Variants in ZDHHC2 observed in about 807,000 individuals in gnomAD.
ZDHHC2 encodes the protein palmitoyltransferase ZDHHC2.
A neutral mutation model predicts 55.6 loss-of-function variants in ZDHHC2; 51 were observed. The observed-to-expected ratio is 0.92, with a 90% CI of 0.73 to 1.16. The LOEUF (loss-of-function observed/expected upper bound fraction) is 1.16. Among genes scored for constraint, ZDHHC2 ranks in the 50% most tolerant of loss-of-function variants. The pLI is 0.00. For synonymous variants in ZDHHC2, 199 were observed against 152.9 expected (o/e 1.30, Z -2.22); for missense variants, 491 against 442.4 (o/e 1.11, Z -0.99).
At chr8:17,176,707 G>C (rs1180034005) in intron 1 of ZDHHC2, among the ~76,000 whole-genome samples, 1 of 152,058 alleles carries the variant, frequency 6.6e-6, no homozygotes, top group East Asian at 1.9e-4. Context: ...AGAAAGCCCA[G>C]AGTGACAGAA....
At chr8:17,203,208 C>T (rs867118413) in intron 6 of ZDHHC2, among the ~76,000 whole-genome samples, 4 of 151,508 alleles carry the variant, frequency 2.6e-5, no homozygotes, top group Middle Eastern at 3.4e-3. Context: ...TACAGACGTG[C>T]ACCACCATGC....
chr8:17,169,862 T>C (rs1490739128), intron 1 of ZDHHC2, among the ~76,000 whole-genome samples: 1 of 152,190 alleles, frequency 6.6e-6, no homozygotes, highest in African/African-American at 2.4e-5. Context: ...GCATAATTTT[T>C]TTTTAGAACT....
In ZDHHC2 at chr8:17,165,241, A is replaced by G. The variant is rs74491380; in HGVS notation, c.130+8388A>G. 6.3e-3 allele frequency among the ~76,000 whole-genome samples: 966 copies of G among 152,340 alleles called. 7 individuals carry two copies. Among genetic ancestry groups the G allele is most frequent in the African/African-American group, 0.022 (920 of 41,574 alleles). On this transcript the variant is annotated intron_variant, in intron 1 of 12. Coordinates refer to ENST00000262096, the MANE Select transcript of ZDHHC2 (RefSeq NM_016353.5). ...CAGGGGCTAACTTGTGATCAAGTTT[A>G]CTACTAAGTGGGCAACTCCATGTGA...
rs1280025562 is a variant in ZDHHC2, at chr8:17,224,699, G to A, written c.*4478G>A. On this transcript the variant is annotated 3_prime_UTR_variant, in exon 13 of 13. Transcript: ENST00000262096. ...CTCCTGTTGTATTTTTCTCAGTTAT[G>A]AGAGCAAGGCTATTTTGTCAGTTTA... 1 of 151,690 alleles carries A rather than the reference G, an allele frequency of 6.6e-6. No individual in the cohort carries two copies. Among genetic ancestry groups the A allele is most frequent in the Non-Finnish European group, 1.5e-5 (1 of 67,706 alleles). The allele number at this position is 151,690 out of a possible 1,614,324, so 9.4% of individuals were successfully genotyped here. A position where few individuals can be genotyped will look rare whatever the true frequency, so the allele number is the denominator to read the frequency against.
chr8:17,207,876 A>T, intron 7 of ZDHHC2, 84 bp from the exon 8 acceptor site: 1 of 1,171,136 alleles, frequency 8.5e-7, no homozygotes, highest in Non-Finnish European at 1.1e-6. Context: ...TAAGCAAAAA[A>T]AAAAATCTTA....
chr8:17,170,909 A>G (rs575177027), intron 1 of ZDHHC2, among the ~76,000 whole-genome samples: 2 of 152,384 alleles, frequency 1.3e-5, no homozygotes, highest in South Asian at 2.1e-4. Context: ...ACATTGGGCA[A>G]AATAATCATT....
At chr8:17,161,769 G>A (rs1231142085) in intron 1 of ZDHHC2, among the ~76,000 whole-genome samples, 2 of 152,020 alleles carry the variant, frequency 1.3e-5, no homozygotes, top group Non-Finnish European at 2.9e-5. Flanking sequence ...TAAGGCAGAA[G>A]AAATTGCCTG....
At chr8:17,211,187 G>A (rs1213055384) in intron 10 of ZDHHC2, among the ~76,000 whole-genome samples, 1 of 152,188 alleles carries the variant, frequency 6.6e-6, no homozygotes, top group Non-Finnish European at 1.5e-5. Context: ...TGAATTTTCA[G>A]TGGTTTGAAA....
At chr8:17,167,833 TATAAA>T (rs1804679012) in intron 1 of ZDHHC2, among the ~76,000 whole-genome samples, 1 of 151,810 alleles carries the variant, frequency 6.6e-6, no homozygotes. Flanking sequence ...CCAGTATACT[TATAAA>T]ATAATCACAA....
Position 17,199,508 on chromosome 8 carries a change from C to A in ZDHHC2, c.476+1095C>A, listed in dbSNP as rs574052447. Among the ~76,000 whole-genome samples the A allele has an allele frequency of 3.9e-3, 136 of 35,318 alleles. 4 individuals carry two copies. Among genetic ancestry groups the A allele is most frequent in the Non-Finnish European group, 9.7e-3 (114 of 11,716 alleles). The allele number at this position is 35,318 out of a possible 152,430, so 23.2% of individuals were successfully genotyped here. A position where few individuals can be genotyped will look rare whatever the true frequency, so the allele number is the denominator to read the frequency against. On this transcript the variant is annotated intron_variant, in intron 6 of 12. Coordinates refer to ENST00000262096, the MANE Select transcript of ZDHHC2 (RefSeq NM_016353.5). Reference sequence around the variant, plus strand: ...TCTTCTTCTTCTTCTTCTTCTTCTTCTTCTTCGTCTTCGTCTTCGTCTTCT... The same window carrying A: ...TCTTCTTCTTCTTCTTCTTCTTCTTATTCTTCGTCTTCGTCTTCGTCTTCT...
chr8:17,195,495 A>T lies in ZDHHC2; in HGVS notation c.253-9A>T. 6.2e-7 allele frequency: 1 copy of T among 1,609,784 alleles called. No homozygotes were observed. Among genetic ancestry groups the T allele is most frequent in the Non-Finnish European group, 8.5e-7 (1 of 1,177,606 alleles). On this transcript the variant is annotated splice_polypyrimidine_tract_variant and intron_variant, in intron 3 of 12. Coordinates refer to ENST00000262096, the MANE Select transcript of ZDHHC2 (RefSeq NM_016353.5). ...AAAATACTGATTAAGATTTAAATGT[A>T]TTCCACAGTTCCATCTCTCTTATGC...
chr8:17,165,781 G>A (rs1306938620), intron 1 of ZDHHC2, among the ~76,000 whole-genome samples: 2 of 152,166 alleles, frequency 1.3e-5, no homozygotes, highest in South Asian at 2.1e-4. Flanking sequence ...GGAAGGTTTC[G>A]ATTTTAAATA....
chr8:17,169,813 C>G (rs148347430), intron 1 of ZDHHC2, among the ~76,000 whole-genome samples: 3 of 152,206 alleles, frequency 2.0e-5, no homozygotes, highest in African/African-American at 4.8e-5. Flanking sequence ...GAGGAAGAGA[C>G]TCATTCCAAA....
Position 17,203,525 on chromosome 8 carries a change from C to T in ZDHHC2, c.477-2130C>T, listed in dbSNP as rs762311153. 3.3e-5 allele frequency among the ~76,000 whole-genome samples: 5 copies of T among 152,098 alleles called. No homozygotes were observed. In the South Asian group the frequency reaches 6.2e-4, roughly 19 times the overall value. ...CTGGGATTACAGGCGTCAGCCACCA[C>T]GCCCACCCATATTGTCCAAAGTTTT... On this transcript the variant is annotated intron_variant, in intron 6 of 12. Transcript: ENST00000262096.
At chr8:17,182,119 G>A (rs1488852143) in intron 1 of ZDHHC2, among the ~76,000 whole-genome samples, 2 of 152,234 alleles carry the variant, frequency 1.3e-5, no homozygotes, top group East Asian at 3.9e-4. Context: ...AATGAAATAA[G>A]TTAATTTGCA....
intron 1 of ZDHHC2, among the ~76,000 whole-genome samples, chr8:17,182,261 T>C (rs770412414): frequency 3.3e-5 from 5 of 152,208 alleles, no homozygotes; most frequent in South Asian, 2.1e-4. Flanking sequence ...CTGTCCAGAA[T>C]ATATAAAAGG....
rs571719414 is a variant in ZDHHC2 at position 17,220,669 on chromosome 8, A to G, written c.*448A>G. 10 of 152,194 alleles carry G rather than the reference A, an allele frequency of 6.6e-5. No individual in the cohort carries two copies. The highest frequency in any genetic ancestry group is 1.5e-5 in the Non-Finnish European group (1 of 68,028). The allele number at this position is 152,194 out of a possible 1,614,324, so 9.4% of individuals were successfully genotyped here. A position where few individuals can be genotyped will look rare whatever the true frequency, so the allele number is the denominator to read the frequency against. ...TATAATGATAAGCATTATTCATAAA[A>G]CTTGTTACCTTTAAGAAGGTGGAAG... On this transcript the variant is annotated 3_prime_UTR_variant, in exon 13 of 13. Coordinates refer to ENST00000262096, the MANE Select transcript of ZDHHC2 (RefSeq NM_016353.5).
chr8:17,159,499 G>A (rs1190648035), intron 1 of ZDHHC2, among the ~76,000 whole-genome samples: 2 of 152,132 alleles, frequency 1.3e-5, no homozygotes, highest in African/African-American at 2.4e-5. Flanking sequence ...CAATTTAGGA[G>A]TAGTGCTTAT....
chr8:17,197,107 C>T (rs1162761749), intron 4 of ZDHHC2, among the ~76,000 whole-genome samples: 1 of 152,102 alleles, frequency 6.6e-6, no homozygotes, highest in Non-Finnish European at 1.5e-5. Flanking sequence ...ACAAACACTG[C>T]AGAAATTTAA....
Sources: allele counts gnomAD v4.1 joint callset (sites outside exome capture counted in the v4.1 genomes callset), GRCh38; gene constraint gnomAD v4.1.1; transcripts MANE v1.5; gene names NCBI Gene and HGNC (gene_info 2026-07-23, HGNC 2026-07-21).